VARS1: variants seen among roughly 807,000 people sequenced by gnomAD.
VARS1 encodes the protein valyl-tRNA synthetase 1.
VARS1 carries 92 observed loss-of-function variants against 161.0 expected under a neutral mutation model. The observed-to-expected ratio is 0.57, with a 90% CI of 0.48 to 0.68. The LOEUF (loss-of-function observed/expected upper bound fraction) is 0.68. Among genes scored for constraint, VARS1 ranks in the 30% least tolerant of loss-of-function variants. The pLI is 0.00. For synonymous variants in VARS1, 595 were observed against 682.5 expected (o/e 0.87, Z 2.00); for missense variants, 1,338 against 1,695.9 (o/e 0.79, Z 3.71).
At chr6:31,794,809 C>A in intron 2 of VARS1, 22 bp downstream of exon 2, 2 of 1,530,688 alleles carry the variant, frequency 1.3e-6, no homozygotes, top group Non-Finnish European at 1.8e-6. Context: ...TCCCCTCCCC[C>A]TCTTCTGTAC....
chr6:31,793,160 C>G, intron 2 of VARS1, 40 bp from the exon 3 acceptor site: 1 of 1,556,886 alleles, frequency 6.4e-7, no homozygotes, highest in African/African-American at 1.4e-5. Flanking sequence ...AGGTTTGGCC[C>G]ACCTCCATCT....
rs373051949 is a variant in VARS1, at chr6:31,784,511, T to C, written c.1468-9A>G. ...AGCTCCTTCTTATCCACCTGTAAAA[T>C]GGGTATTTAGAGGCGTGGCCCAGGG... On this transcript the variant is annotated splice_polypyrimidine_tract_variant and intron_variant, in intron 11 of 29. Coordinates refer to ENST00000375663, the MANE Select transcript of VARS1 (RefSeq NM_006295.3). The surrounding 1 kb of genome is among the most constrained non-coding windows in gnomAD (Gnocchi z 6.1). 32 of 1,613,556 alleles carry C rather than the reference T, an allele frequency of 2.0e-5. No individual in the cohort carries two copies. The highest frequency in any genetic ancestry group is 9.4e-5 in the African/African-American group (7 of 74,830).
At position 31,792,973 on chromosome 6, in the gene VARS1, C is replaced by T. The variant is rs766699540; in HGVS notation, c.522+13G>A. 1.2e-6 allele frequency: 2 copies of T among 1,613,956 alleles called. No homozygotes were observed. Among genetic ancestry groups the T allele is most frequent in the South Asian group, 2.2e-5 (2 of 91,092 alleles). ...GAGAGCAGTCTTGTTCTTCCCCAGG[C>T]CTGGTGACTCACGTATCGGAAAGGC... On this transcript the variant is annotated intron_variant, in intron 3 of 29. Transcript: ENST00000375663.
In VARS1 at chr6:31,781,415, C is replaced by T. The variant is rs1174847374; in HGVS notation, c.2544+66G>A. 38 of 1,582,662 alleles carry T rather than the reference C, an allele frequency of 2.4e-5. No homozygotes were observed. Among genetic ancestry groups the T allele is most frequent in the South Asian group, 5.7e-5 (5 of 88,044 alleles). ...CCATGCCCCAGCCACGCGGGGTCTG[C>T]GCTGCAGCACAGGACGGTAGGAGAG... On this transcript the variant is annotated intron_variant, in intron 21 of 29. Transcript: ENST00000375663. This position sits in a 1 kb window ranked among gnomAD's most constrained non-coding sequence, Gnocchi z 6.8.
chr6:31,786,430 G>C (rs1377023818), intron 8 of VARS1, among the ~76,000 whole-genome samples: 1 of 152,098 alleles, frequency 6.6e-6, no homozygotes, highest in Admixed American at 6.6e-5. Flanking sequence ...ACTTTGGGAG[G>C]CCAAGGCGAG....
chr6:31,779,347 A>G lies in VARS1; in HGVS notation c.3401-55T>C. Reference sequence around the variant, plus strand: ...GCTCCATGGAGACAGGAAACCAAGCAGTCACTGCCGGACACTGGGTCCCAG... The same window carrying G: ...GCTCCATGGAGACAGGAAACCAAGCGGTCACTGCCGGACACTGGGTCCCAG... On this transcript the variant is annotated intron_variant, in intron 28 of 29. Transcript: ENST00000375663. The surrounding 1 kb of genome is among the most constrained non-coding windows in gnomAD (Gnocchi z 9.1). 6.2e-7 allele frequency: 1 copy of G among 1,601,942 alleles called. No homozygotes were observed. The highest frequency in any genetic ancestry group is 8.5e-7 in the Non-Finnish European group (1 of 1,178,942).
chr6:31,779,310 A>G lies in VARS1; in HGVS notation c.3401-18T>C. 1 of 1,601,524 alleles carries G rather than the reference A, an allele frequency of 6.2e-7. No individual in the cohort carries two copies. Among genetic ancestry groups the G allele is most frequent in the Non-Finnish European group, 8.5e-7 (1 of 1,179,458 alleles). On this transcript the variant is annotated intron_variant, in intron 28 of 29. Coordinates refer to ENST00000375663, the MANE Select transcript of VARS1 (RefSeq NM_006295.3). This position sits in a 1 kb window ranked among gnomAD's most constrained non-coding sequence, Gnocchi z 9.1. Reference sequence around the variant, plus strand: ...CAGGAAACCTGCCAGGGAGGGAGAAAGGTGAGGCCTAGCTCCATGGAGACA... The same window carrying G: ...CAGGAAACCTGCCAGGGAGGGAGAAGGGTGAGGCCTAGCTCCATGGAGACA...
Position 31,791,709 on chromosome 6 carries a change from CG to C in VARS1, c.1000del (p.Arg334GlufsTer5). On this transcript the variant is annotated frameshift_variant, in exon 8 of 30. Coordinates refer to ENST00000375663, the MANE Select transcript of VARS1 (RefSeq NM_006295.3). LOFTEE classifies it high-confidence loss of function. The surrounding 1 kb of genome is among the most constrained non-coding windows in gnomAD (Gnocchi z 5.0). ...TGGGATGCACATCATGAAGACACCT[CG>C]GGGATTTGCTGCTGACACATTAGGA... ...GRPNVSAANP[R>X]GVFMMCIPPP... is the part of the protein sequence containing the mutation. 1 of 1,612,992 alleles carries C rather than the reference CG, an allele frequency of 6.2e-7. No homozygotes were observed. Among genetic ancestry groups the C allele is most frequent in the Non-Finnish European group, 8.5e-7 (1 of 1,180,020 alleles).
At position 31,779,282 on chromosome 6, in the gene VARS1, T is replaced by A; in HGVS notation, c.3411A>T (p.Glu1137Asp). 1 of 1,603,158 alleles carries A rather than the reference T, an allele frequency of 6.2e-7. No individual in the cohort carries two copies. The highest frequency in any genetic ancestry group is 8.5e-7 in the Non-Finnish European group (1 of 1,179,646). ...LTRIRPDCFL[E>D]VADEATGALA... ...GGGCGCCCGTGGCCTCATCCGCCAC[T>A]TCCAGGAAACCTGCCAGGGAGGGAG... Residue 1137 changes from glutamate (E) to aspartate (D), a missense_variant, in exon 29 of 30, where the codon GAA (glutamate) becomes GAT (aspartate). Coordinates refer to ENST00000375663, the MANE Select transcript of VARS1 (RefSeq NM_006295.3). This position sits in a 1 kb window ranked among gnomAD's most constrained non-coding sequence, Gnocchi z 9.1.
Position 31,785,752 on chromosome 6 carries a change from G to T in VARS1, c.1101-19C>A. On this transcript the variant is annotated intron_variant, in intron 8 of 29. Transcript: ENST00000375663. The surrounding 1 kb of genome is among the most constrained non-coding windows in gnomAD (Gnocchi z 6.1). Reference sequence around the variant, plus strand: ...GCGGTGCCTGTTAGGGGGCATGGAGGACCAGAGGGTGAGCCAGGCCAGTGG... The same window carrying T: ...GCGGTGCCTGTTAGGGGGCATGGAGTACCAGAGGGTGAGCCAGGCCAGTGG... 1 of 1,598,720 alleles carries T rather than the reference G, an allele frequency of 6.3e-7. No homozygotes were observed. Among genetic ancestry groups the T allele is most frequent in the Non-Finnish European group, 8.5e-7 (1 of 1,174,662 alleles).
chr6:31,781,192 G>A lies in VARS1; in HGVS notation c.2545-69C>T. The stretch of plus-strand genomic sequence containing the variant: ...TCCCCGGCCTCAGTGCCCCGACCAG[G>A]ACTGTGTCTGGTCTACCCCACTGTG... On this transcript the variant is annotated intron_variant, in intron 21 of 29. Coordinates refer to ENST00000375663, the MANE Select transcript of VARS1 (RefSeq NM_006295.3). The surrounding 1 kb of genome is among the most constrained non-coding windows in gnomAD (Gnocchi z 6.8). 8 of 1,535,564 alleles carry A rather than the reference G, an allele frequency of 5.2e-6. No individual in the cohort carries two copies. The highest frequency in any genetic ancestry group is 1.7e-5 in the Admixed American group (1 of 57,540).
rs553884107 is a variant in VARS1 at position 31,784,691 on chromosome 6, C to T, written c.1371G>A (p.Glu457=). 1.2e-6 allele frequency: 2 copies of T among 1,612,976 alleles called. No homozygotes were observed. Among genetic ancestry groups the T allele is most frequent in the Admixed American group, 1.7e-5 (1 of 60,012 alleles). The change falls in exon 11 of 30, where the codon GAG becomes GAA. Residue 457 remains glutamate, a synonymous_variant. Coordinates refer to ENST00000375663, the MANE Select transcript of VARS1 (RefSeq NM_006295.3). The surrounding 1 kb of genome is among the most constrained non-coding windows in gnomAD (Gnocchi z 6.1). ...MDPKLSAAVT[E]AFVRLHEEGI... is the part of the protein sequence containing the mutation. Reference sequence around the variant, plus strand: ...CTTCCTCGTGAAGCCGGACAAAGGCCTCTGTCACAGCTGCTGAGAGTTTCT... The same window carrying T: ...CTTCCTCGTGAAGCCGGACAAAGGCTTCTGTCACAGCTGCTGAGAGTTTCT...
At chr6:31,790,602 C>CAAA (rs9279419) in intron 8 of VARS1, among the ~76,000 whole-genome samples, 81 of 43,418 alleles carry the variant, frequency 1.9e-3, no homozygotes, top group Admixed American at 2.4e-3. Context: ...AACTCTGTCT[C>CAAA]AAAAAAAAAA....
In VARS1 at chr6:31,785,570, C is replaced by T; in HGVS notation, c.1264G>A (p.Glu422Lys). The T allele has an allele frequency of 6.2e-7, 1 of 1,605,248 alleles. No individual in the cohort carries two copies. ...CCCACAGGGATGCTGCATACTCACT[C>T]CTCCTTCCACTTCCAGACTTCCTGT... ...FLQEVWKWKE[E>K]KGDRIYHQLK... Residue 422 changes from glutamate (E) to lysine (K), a missense_variant and splice_region_variant, in exon 9 of 30, where the codon GAG becomes AAG. By Grantham distance (56) the Glu-to-Lys change is moderately conservative. This residue lies in a region of VARS1 where 902 missense variants were observed against 1,090.3 expected (regional missense o/e 0.83). Coordinates refer to ENST00000375663, the MANE Select transcript of VARS1 (RefSeq NM_006295.3). The surrounding 1 kb of genome is among the most constrained non-coding windows in gnomAD (Gnocchi z 6.1).
chr6:31,783,241 C>T, intron 13 of VARS1, 55 bp from the exon 14 acceptor site: 2 of 1,566,230 alleles, frequency 1.3e-6, no homozygotes, highest in South Asian at 1.1e-5. Context: ...GCCGTGATTC[C>T]CACCTGTAAT....
Position 31,783,153 on chromosome 6 carries a change from G to C in VARS1, c.1705C>G (p.Leu569Val). The C allele has an allele frequency of 6.2e-7, 1 of 1,612,844 alleles. No individual in the cohort carries two copies. The highest frequency in any genetic ancestry group is 8.5e-7 in the Non-Finnish European group (1 of 1,179,946). ...AAGACAATGGGAAGGCTCCGAGACA[G>C]GAATGGGTGGATCACGTTCTTCCCC... ...LKGKNVIHPF[L>V]SRSLPIVFDE... Residue 569 changes from leucine to valine, a missense_variant, in exon 14 of 30, where the codon CTG becomes GTG. Leu to Val is a conservative substitution (Grantham distance 32). Transcript: ENST00000375663.
chr6:31,785,126 T>C lies in VARS1; in HGVS notation c.1347+120A>G. The C allele has an allele frequency of 9.4e-6, 11 of 1,167,878 alleles. No homozygotes were observed. The highest frequency in any genetic ancestry group is 1.4e-5 in the Non-Finnish European group (11 of 803,130). 72.3% of individuals were successfully genotyped at this position (1,167,878 alleles called of 1,614,324 possible). A position where few individuals can be genotyped will look rare whatever the true frequency, so the allele number is the denominator to read the frequency against. On this transcript the variant is annotated intron_variant, in intron 10 of 29. Coordinates refer to ENST00000375663, the MANE Select transcript of VARS1 (RefSeq NM_006295.3). This position sits in a 1 kb window ranked among gnomAD's most constrained non-coding sequence, Gnocchi z 6.1. ...GTGGCATTTGCAGCTGAGCCCTCCA[T>C]GGTGTTTTACATGGGCCAGCTCCTG... is the stretch of plus-strand genomic sequence containing the variant.
chr6:31,794,772 A>C, intron 2 of VARS1, 59 bp downstream of exon 2: 2 of 1,499,554 alleles, frequency 1.3e-6, no homozygotes, highest in Non-Finnish European at 1.8e-6. Flanking sequence ...TGTCCATTCC[A>C]GTCCTCGCTT....
chr6:31,795,442 G>A lies in VARS1; in HGVS notation c.-34+104C>T, dbSNP rs1032036490. ...GGGCAGTGTCAGTGGGGAGTTCCTGGGGAAGAGGAACTATCCACCATCGCG... is the reference window on the plus strand; with the variant it reads ...GGGCAGTGTCAGTGGGGAGTTCCTGAGGAAGAGGAACTATCCACCATCGCG... On this transcript the variant is annotated intron_variant, in intron 1 of 29. Transcript: ENST00000375663. The surrounding 1 kb of genome is among the most constrained non-coding windows in gnomAD (Gnocchi z 6.9). 1 of 398,708 alleles carries A rather than the reference G, an allele frequency of 2.5e-6. No individual in the cohort carries two copies. Among genetic ancestry groups the A allele is most frequent in the Admixed American group, 4.3e-5 (1 of 23,062 alleles). The allele number at this position is 398,708 out of a possible 1,614,324, so 24.7% of individuals were successfully genotyped here.
Sources: allele counts gnomAD v4.1 joint callset (sites outside exome capture counted in the v4.1 genomes callset), GRCh38; gene constraint gnomAD v4.1.1; regional missense constraint gnomAD v4.1.1; non-coding constraint Gnocchi (gnomAD v3.1); transcripts MANE v1.5; gene names NCBI Gene and HGNC (gene_info 2026-07-23, HGNC 2026-07-21).